TRDN: variants seen among roughly 807,000 people sequenced by gnomAD.
TRDN encodes triadin in skeletal muscle.
TRDN carries 161 observed loss-of-function variants against 149.7 expected under a neutral mutation model. The observed-to-expected ratio is 1.08, with a 90% CI of 0.95 to 1.23. The LOEUF (loss-of-function observed/expected upper bound fraction) is 1.23, where lower values mean the gene tolerates loss of function less well. Among genes scored for constraint, TRDN ranks in the 50% most tolerant of loss-of-function variants. The probability of loss-of-function intolerance (pLI) is 0.00; values close to 1 mark genes in which losing one functional copy is unlikely to be tolerated. For synonymous variants in TRDN, 294 were observed against 250.5 expected (o/e 1.17, Z -1.64); for missense variants, 896 against 823.5 (o/e 1.09, Z -1.08).
At chr6:123,503,934 T>C (rs2114833512) in intron 7 of TRDN, 33 bp from the exon 8 acceptor site, 9 of 1,515,746 alleles carry the variant, frequency 5.9e-6, no homozygotes, top group Non-Finnish European at 7.9e-6. Context: ...GAAATACTTT[T>C]GTTTATTTAC....
intron 1 of TRDN, among the ~76,000 whole-genome samples, chr6:123,613,223 G>A (rs1031783480): frequency 2.6e-5 from 4 of 152,120 alleles, no homozygotes; most frequent in Non-Finnish European, 5.9e-5. Context: ...ATTTGGGAAT[G>A]GTCAGCTAAT....
At chr6:123,460,610 A>G (rs1562325620) in intron 10 of TRDN, among the ~76,000 whole-genome samples, 1 of 152,120 alleles carries the variant, frequency 6.6e-6, no homozygotes, top group Non-Finnish European at 1.5e-5. Flanking sequence ...TTAATGAAAT[A>G]AAAATTGAGG....
Position 123,388,524 on chromosome 6 carries a change from T to C in TRDN, c.1133A>G (p.Glu378Gly), listed in dbSNP as rs2114443570. 3 of 1,587,000 alleles carry C rather than the reference T, an allele frequency of 1.9e-6. No homozygotes were observed. Among genetic ancestry groups the C allele is most frequent in the Non-Finnish European group, 2.6e-6 (3 of 1,164,474 alleles). The change falls in exon 14 of 41, where the codon GAA becomes GGA. Residue 378 changes from glutamate (E) to glycine (G), a missense_variant and splice_region_variant. Transcript: ENST00000334268. ...GTGGGATTTTGCATAAAACATACCT[T>C]CCTTCTTTTCATCCTTCTTAGCTGC... is the stretch of plus-strand genomic sequence containing the variant. ...QAAAKKDEKKEDSKKTKKPAE... is the reference protein window; with the variant it reads ...QAAAKKDEKKGDSKKTKKPAE...
intron 24 of TRDN, among the ~76,000 whole-genome samples, chr6:123,315,324 T>C (rs1428845620): frequency 2.0e-5 from 3 of 151,954 alleles, no homozygotes; most frequent in Admixed American, 6.6e-5. Context: ...ATGCTTTTTT[T>C]CTGCAGTTTA....
intron 24 of TRDN, among the ~76,000 whole-genome samples, chr6:123,287,652 AGAGCATGCTTGTGTT>A (rs1468798610): frequency 6.6e-6 from 1 of 152,206 alleles, no homozygotes; most frequent in African/African-American, 2.4e-5. Context: ...AGCTAAAAAC[AGAGCATGCTTGTGTT>A]GATCATGGTA....
intron 24 of TRDN, among the ~76,000 whole-genome samples, chr6:123,280,900 G>A (rs1032843451): frequency 1.3e-5 from 2 of 151,896 alleles, no homozygotes; most frequent in African/African-American, 4.8e-5. Flanking sequence ...CAGGGAATTG[G>A]TGCGATTCCT....
chr6:123,393,593 G>A (rs1224227729), intron 13 of TRDN, 31 bp downstream of exon 13: 5 of 1,571,030 alleles, frequency 3.2e-6, no homozygotes, highest in East Asian at 2.3e-5. Context: ...TTAAAAAAAG[G>A]CAATGCTTTT....
At chr6:123,403,631 T>C (rs985331945) in intron 12 of TRDN, among the ~76,000 whole-genome samples, 1 of 152,124 alleles carries the variant, frequency 6.6e-6, no homozygotes, top group Non-Finnish European at 1.5e-5. Flanking sequence ...AAGTACATCT[T>C]AGTCTGGAAA....
At chr6:123,603,374 CTTT>C (rs1242954747) in intron 1 of TRDN, among the ~76,000 whole-genome samples, 1 of 151,516 alleles carries the variant, frequency 6.6e-6, no homozygotes, top group Non-Finnish European at 1.5e-5. Context: ...CTCAAAACTT[CTTT>C]TATTTACATA....
intron 38 of TRDN, among the ~76,000 whole-genome samples, chr6:123,227,727 TTG>T (rs1775435173): frequency 7.5e-6 from 1 of 133,536 alleles, no homozygotes; most frequent in African/African-American, 2.8e-5. Flanking sequence ...ACTTTTTTGT[TTG>T]TTTGTTTGTT....
At chr6:123,335,928 A>G (rs1779848166) in intron 22 of TRDN, among the ~76,000 whole-genome samples, 1 of 152,052 alleles carries the variant, frequency 6.6e-6, no homozygotes, top group South Asian at 2.1e-4. Context: ...TCACAAAATC[A>G]AGGACGCTGT....
intron 24 of TRDN, among the ~76,000 whole-genome samples, chr6:123,312,131 A>C (rs777479834): frequency 2.9e-4 from 44 of 152,124 alleles, no homozygotes; most frequent in Admixed American, 1.4e-3. Context: ...CTTATTTTAC[A>C]ACAGGGACCC....
chr6:123,274,617 T>G (rs1288516325), intron 27 of TRDN, 24 bp downstream of exon 27: 2 of 1,594,478 alleles, frequency 1.3e-6, no homozygotes, highest in Middle Eastern at 1.7e-4. Flanking sequence ...ACTCTGAATC[T>G]ATATAAAATA....
At chr6:123,247,713 T>C (rs1480663527) in intron 38 of TRDN, among the ~76,000 whole-genome samples, 2 of 152,186 alleles carry the variant, frequency 1.3e-5, no homozygotes, top group Non-Finnish European at 2.9e-5. Context: ...CTGGTCAAGC[T>C]ACCACAGACT....
chr6:123,359,320 G>C (rs543612255), intron 20 of TRDN, among the ~76,000 whole-genome samples: 194 of 152,294 alleles, frequency 1.3e-3, no homozygotes, highest in African/African-American at 4.5e-3. Context: ...TAAAGATGAA[G>C]TTGGAAAAGG....
intron 23 of TRDN, among the ~76,000 whole-genome samples, chr6:123,329,854 C>G (rs1298990592): frequency 2.6e-5 from 4 of 151,934 alleles, no homozygotes; most frequent in Non-Finnish European, 4.4e-5. Flanking sequence ...CTGGTGATTA[C>G]ATTTAATTGT....
At chr6:123,446,408 A>G (rs1775360114) in intron 10 of TRDN, among the ~76,000 whole-genome samples, 1 of 151,756 alleles carries the variant, frequency 6.6e-6, no homozygotes, top group African/African-American at 2.4e-5. Flanking sequence ...ATAAATAAAT[A>G]AATGAATTAC....
At chr6:123,441,743 A>G (rs1774901825) in intron 10 of TRDN, among the ~76,000 whole-genome samples, 1 of 152,206 alleles carries the variant, frequency 6.6e-6, no homozygotes, top group South Asian at 2.1e-4. Flanking sequence ...TTTAATTACA[A>G]TTGCAAAGCT....
intron 12 of TRDN, among the ~76,000 whole-genome samples, chr6:123,414,718 C>T (rs1447978908): frequency 6.6e-6 from 1 of 152,056 alleles, no homozygotes. Flanking sequence ...TAGTGATTCG[C>T]ATAATAGTTT....
Sources: allele counts gnomAD v4.1 joint callset (sites outside exome capture counted in the v4.1 genomes callset), GRCh38; gene constraint gnomAD v4.1.1; transcripts MANE v1.5; gene names NCBI Gene and HGNC (gene_info 2026-07-23, HGNC 2026-07-21).